Variants in ARAP1 observed in about 807,000 individuals in gnomAD.
The protein encoded by ARAP1 is arf-GAP with Rho-GAP domain, ANK repeat and PH domain-containing protein 1.
In ARAP1, 76 loss-of-function variants were observed where a neutral mutation model predicts 172.2. The ratio of observed to expected loss-of-function variants is 0.44; its 90% CI spans 0.37 to 0.53. The LOEUF is 0.53. Among genes scored for constraint, ARAP1 ranks in the 20% least tolerant of loss-of-function variants. ARAP1 has a pLI of 0.00. For missense variants in ARAP1, 1,686 were observed against 1,977.5 expected, an observed-to-expected ratio of 0.85 and a Z score of 2.80; for synonymous variants, 804 against 803.3, an observed-to-expected ratio of 1.00 and a Z score of -0.01.
chr11:72,703,415 G>GCGGGC, intron 14 of ARAP1: 2 of 145,428 alleles, frequency 1.4e-5, no homozygotes, highest in Middle Eastern at 2.4e-3. Flanking sequence ...AGCCGGGGGG[G>GCGGGC]GGGTGTGCTT....
At chr11:72,711,655 A>G (rs544551799) in intron 7 of ARAP1, among the ~76,000 whole-genome samples, 156 bp from the exon 8 acceptor site, 2 of 151,594 alleles carry the variant, frequency 1.3e-5, no homozygotes, top group South Asian at 4.2e-4. Context: ...TGGACTTTAC[A>G]GCAAGAGTGA....
Position 72,699,181 on chromosome 11 carries a change from G to A in ARAP1, c.2439-74C>T, listed in dbSNP as rs556594039. 4.4e-4 allele frequency: 662 copies of A among 1,501,666 alleles called. 4 individuals carry two copies. In the African/African-American group the frequency reaches 8.1e-3, roughly 18 times the overall value. 93.0% of individuals were successfully genotyped at this position (1,501,666 alleles called of 1,614,324 possible). ...CCACCCCCAACCCGCACCATCAACC[G>A]CCATCCTCTGCCCCCTCCGCACTGC... On this transcript the variant is annotated intron_variant, in intron 17 of 34. Coordinates refer to ENST00000393609, the MANE Select transcript of ARAP1 (RefSeq NM_001040118.3). This position sits in a 1 kb window ranked among gnomAD's most constrained non-coding sequence, Gnocchi z 4.2.
At position 72,714,288 on chromosome 11, in the gene ARAP1, T is replaced by C. The variant is rs935479494; in HGVS notation, c.543A>G (p.Pro181=). 22 of 1,546,224 alleles carry C rather than the reference T, an allele frequency of 1.4e-5. No homozygotes were observed. Among genetic ancestry groups the C allele is most frequent in the African/African-American group, 6.9e-5 (5 of 72,454 alleles). ...GTGGCTGGGGAGGGGATGATAATGA[T>C]GGCAGCAATGACTCCTCCTCCTTAG... ...LPTKEEESLL[P]SLSSPPQPQS... is the part of the protein sequence containing the mutation. The change falls in exon 4 of 35, where the codon CCA becomes CCG. Residue 181 remains proline, a synonymous_variant. Transcript: ENST00000393609.
intron 1 of ARAP1, among the ~76,000 whole-genome samples, chr11:72,750,936 T>C (rs1053860785): frequency 3.3e-5 from 5 of 152,114 alleles, no homozygotes; most frequent in African/African-American, 1.2e-4. Context: ...GGAGGAAGCT[T>C]CTAGAGGGTT....
rs1319437616 is a variant in ARAP1 at position 72,718,650 on chromosome 11, A to C, written c.510-4329T>G. ...GGCATGTGAACCCACCTGCTTACCC[A>C]CTATTCCCGAGAGACTAGGCACCCC... On this transcript the variant is annotated intron_variant, in intron 3 of 34. Transcript: ENST00000393609. Among the ~76,000 whole-genome samples the C allele has an allele frequency of 4.6e-5, 7 of 152,034 alleles. No homozygotes were observed. In the South Asian group the frequency reaches 8.3e-4, roughly 18 times the overall value.
In ARAP1 at chr11:72,686,107, G is replaced by C. The variant is rs377201034; in HGVS notation, c.4270C>G (p.Pro1424Ala). The change falls in exon 34 of 35, where the codon CCC becomes GCC. Residue 1424 changes from proline (P) to alanine (A), a missense_variant. Around this residue, in one of 5 missense-constraint regions of ARAP1, gnomAD observed 379 missense variants for 500.1 expected, o/e 0.76. Coordinates refer to ENST00000393609, the MANE Select transcript of ARAP1 (RefSeq NM_001040118.3). ...EVRLGSVSLI[P>A]LRGSENEMRR... is the part of the protein sequence containing the mutation. ...ATTTCATTTTCACTACCTCGAAGGG[G>C]GATCAGTGACACACTACCCAGCCGG... The C allele has an allele frequency of 2.1e-5, 34 of 1,613,946 alleles. No homozygotes were observed. In the East Asian group the frequency reaches 3.3e-4, roughly 16 times the overall value.
chr11:72,726,968 G>A lies in ARAP1; in HGVS notation c.161C>T (p.Pro54Leu). Reference sequence around the variant, plus strand: ...AGCCAGGATGCGGCGGCGGTGACCAGGGAGTAGCATGCCCATGTCCATCAG... The same window carrying A: ...AGCCAGGATGCGGCGGCGGTGACCAAGGAGTAGCATGCCCATGTCCATCAG... ...TRLMDMGMLL[P>L]GHRRRILAGL... Residue 54 changes from proline (P) to leucine (L), a missense_variant, in exon 3 of 35, where the codon CCT becomes CTT. This residue lies in a region of ARAP1 where 190 missense variants were observed against 228.6 expected (regional missense o/e 0.83). Transcript: ENST00000393609. This position sits in a 1 kb window ranked among gnomAD's most constrained non-coding sequence, Gnocchi z 6.5. 6.2e-7 allele frequency: 1 copy of A among 1,602,626 alleles called. No individual in the cohort carries two copies. The highest frequency in any genetic ancestry group is 8.5e-7 in the Non-Finnish European group (1 of 1,175,126).
At chr11:72,742,984 T>C (rs1288403510) in intron 1 of ARAP1, among the ~76,000 whole-genome samples, 1 of 152,224 alleles carries the variant, frequency 6.6e-6, no homozygotes, top group East Asian at 1.9e-4. Context: ...GGCATCTCCA[T>C]GACTCCTCAT....
At chr11:72,696,747 G>A in intron 22 of ARAP1, 93 bp from the exon 23 acceptor site, 1 of 1,117,366 alleles carries the variant, frequency 8.9e-7, no homozygotes, top group Non-Finnish European at 1.3e-6. Flanking sequence ...GTGGGTGACA[G>A]CAGTCCCTGT....
In ARAP1 at chr11:72,688,466, C is replaced by A; in HGVS notation, c.4059G>T (p.Arg1353Ser). ...KVYLGVKKKL[R>S]PPTCWGFTVV... is the part of the protein sequence containing the mutation. ...CAGTCCCAGCTTACCAGGTGGGTGG[C>A]CTGAGTTTCTTCTTCACTCCCAGGT... is the stretch of plus-strand genomic sequence containing the variant. Residue 1353 changes from arginine (R) to serine (S), a missense_variant, in exon 31 of 35, where the codon AGG becomes AGT. By Grantham distance (110) the Arg-to-Ser change is moderately radical. This residue lies in a region of ARAP1 where 379 missense variants were observed against 500.1 expected (regional missense o/e 0.76). Coordinates refer to ENST00000393609, the MANE Select transcript of ARAP1 (RefSeq NM_001040118.3). The A allele has an allele frequency of 6.2e-7, 1 of 1,611,886 alleles. No homozygotes were observed.
chr11:72,714,200 A>G lies in ARAP1; in HGVS notation c.631T>C (p.Cys211Arg). Residue 211 changes from cysteine to arginine, a missense_variant, in exon 4 of 35, where the codon TGC becomes CGC. Physicochemically the swap from Cys to Arg is radical, Grantham distance 180. Coordinates refer to ENST00000393609, the MANE Select transcript of ARAP1 (RefSeq NM_001040118.3). ...GGCTTTGGAGGTATCTCCGGGGGGC[A>G]GGGAGGTGGAGAGGGAGGCTGGGGA... The part of the protein sequence containing the change: ...GPPQPPSPPP[C>R]PPEIPPKPVR... 1 of 1,512,492 alleles carries G rather than the reference A, an allele frequency of 6.6e-7. No homozygotes were observed. Among genetic ancestry groups the G allele is most frequent in the Non-Finnish European group, 8.8e-7 (1 of 1,134,144 alleles). 93.7% of individuals were successfully genotyped at this position (1,512,492 alleles called of 1,614,324 possible).
chr11:72,687,294 G>A, intron 33 of ARAP1, 145 bp downstream of exon 33: 1 of 1,061,034 alleles, frequency 9.4e-7, no homozygotes, highest in South Asian at 1.4e-5. Context: ...AGGGTTTATT[G>A]AATAAACTAG....
chr11:72,692,496 T>C (rs770093459), intron 30 of ARAP1, among the ~76,000 whole-genome samples: 5 of 152,224 alleles, frequency 3.3e-5, no homozygotes, highest in Non-Finnish European at 7.3e-5. Context: ...CTTTAACTTC[T>C]ACACTAAGTC....
Position 72,710,059 on chromosome 11 carries a change from G to A in ARAP1, c.1417-83C>T. 1 of 1,277,228 alleles carries A rather than the reference G, an allele frequency of 7.8e-7. No homozygotes were observed. Among genetic ancestry groups the A allele is most frequent in the South Asian group, 1.2e-5 (1 of 83,804 alleles). 79.1% of individuals were successfully genotyped at this position (1,277,228 alleles called of 1,614,324 possible). ...GGGACAGGGAGAGGAAGGGAAGGTG[G>A]TGCAACTCAGGGACTGGGGGGGGTG... On this transcript the variant is annotated intron_variant, in intron 10 of 34. Coordinates refer to ENST00000393609, the MANE Select transcript of ARAP1 (RefSeq NM_001040118.3). The surrounding 1 kb of genome is among the most constrained non-coding windows in gnomAD (Gnocchi z 4.3).
intron 2 of ARAP1, among the ~76,000 whole-genome samples, chr11:72,729,299 T>TA (rs1370436577): frequency 6.6e-6 from 1 of 152,140 alleles, no homozygotes; most frequent in Non-Finnish European, 1.5e-5. Context: ...TTCAGTATTT[T>TA]AAAAAACCAT....
At position 72,712,287 on chromosome 11, in the gene ARAP1, C is replaced by A; in HGVS notation, c.931G>T (p.Ala311Ser). 6.3e-7 allele frequency: 1 copy of A among 1,593,188 alleles called. No homozygotes were observed. ...LSLSLPSTIA[A>S]PHPMDGPPGG... ...GGCGGCCCGTCCATGGGGTGTGGCGCAGCTATTGTGCTGGGCAAGGACAAG... is the reference window on the plus strand; with the variant it reads ...GGCGGCCCGTCCATGGGGTGTGGCGAAGCTATTGTGCTGGGCAAGGACAAG... The change falls in exon 7 of 35, where the codon GCG becomes TCG. Residue 311 changes from alanine (A) to serine (S), a missense_variant. Coordinates refer to ENST00000393609, the MANE Select transcript of ARAP1 (RefSeq NM_001040118.3).
rs1856373647 is a variant in ARAP1, at chr11:72,699,439, C to G, written c.2416G>C (p.Val806Leu). The G allele has an allele frequency of 1.2e-6, 2 of 1,614,066 alleles. No individual in the cohort carries two copies. Among genetic ancestry groups the G allele is most frequent in the Non-Finnish European group, 1.7e-6 (2 of 1,180,040 alleles). The change falls in exon 17 of 35, where the codon GTG becomes CTG. Residue 806 changes from valine (V) to leucine (L), a missense_variant. By Grantham distance (32) the Val-to-Leu change is conservative. Around this residue, in one of 5 missense-constraint regions of ARAP1, gnomAD observed 688 missense variants for 856.9 expected, o/e 0.80. Transcript: ENST00000393609. This position sits in a 1 kb window ranked among gnomAD's most constrained non-coding sequence, Gnocchi z 4.2. ...IRASEIVCLA[V>L]PPPDTHGFEH... is the part of the protein sequence containing the mutation. ...CACCCATGGGTGTCAGGAGGGGGCA[C>G]TGCCAGGCACACAATCTCGCTGGCC...
intron 23 of ARAP1, among the ~76,000 whole-genome samples, chr11:72,696,117 G>T (rs10898865): frequency 5.9e-5 from 9 of 151,576 alleles, no homozygotes; most frequent in Non-Finnish European, 1.2e-4. Flanking sequence ...AGTTCTGGCA[G>T]AAGGGATTGG....
At position 72,695,073 on chromosome 11, in the gene ARAP1, C is replaced by A. The variant is rs762976030; in HGVS notation, c.3601G>T (p.Glu1201Ter). The A allele has an allele frequency of 6.2e-7, 1 of 1,613,994 alleles. No individual in the cohort carries two copies. Among genetic ancestry groups the A allele is most frequent in the East Asian group, 2.2e-5 (1 of 44,896 alleles). ...IKVPASMTAE[E>*]LTLEILDRRN... ...CGATCCAGGATCTCCAGGGTGAGCT[C>A]CTCAGCAGTCATGGATGCTGGGACC... Residue 1201 changes from glutamate (E) to a stop codon, truncating the protein, a stop_gained, in exon 27 of 35, where the codon GAG becomes TAG. Transcript: ENST00000393609. LOFTEE classifies it high-confidence loss of function. This position sits in a 1 kb window ranked among gnomAD's most constrained non-coding sequence, Gnocchi z 4.4.
Sources: allele counts gnomAD v4.1 joint callset (sites outside exome capture counted in the v4.1 genomes callset), GRCh38; gene constraint gnomAD v4.1.1; regional missense constraint gnomAD v4.1.1; non-coding constraint Gnocchi (gnomAD v3.1); transcripts MANE v1.5; gene names NCBI Gene and HGNC (gene_info 2026-07-23, HGNC 2026-07-21).